The following SOX6 variants were observed in gnomAD, a reference collection of about 807,000 sequenced individuals.
The protein encoded by SOX6 is transcription factor SOX-6.
Under a neutral mutation model 97.8 loss-of-function variants are expected in SOX6, and 11 were observed. That is an observed-to-expected ratio of 0.11 (90% CI 0.07 to 0.19). The LOEUF is 0.19. Among genes scored for constraint, SOX6 ranks in the 10% least tolerant of loss-of-function variants. The probability of loss-of-function intolerance (pLI) is 1.00; values close to 1 mark genes in which losing one functional copy is unlikely to be tolerated. For synonymous variants in SOX6, 360 were observed against 371.4 expected (o/e 0.97, Z 0.35); for missense variants, 810 against 1,039.5 (o/e 0.78, Z 3.04).
chr11:16,636,575 G>A (rs998960178), intron 3 of SOX6, among the ~76,000 whole-genome samples: 2 of 152,166 alleles, frequency 1.3e-5, no homozygotes, highest in Admixed American at 6.5e-5. Flanking sequence ...AGGCATGATT[G>A]TATTTTGAAA....
chr11:16,120,193 C>T (rs1256655635), intron 6 of SOX6, among the ~76,000 whole-genome samples: 2 of 142,062 alleles, frequency 1.4e-5, no homozygotes, highest in East Asian at 2.2e-4. Flanking sequence ...CTCTCTCTCT[C>T]TCACTCCCCC....
chr11:16,404,130 G>A (rs1858628054), intron 1 of SOX6, among the ~76,000 whole-genome samples: 1 of 151,834 alleles, frequency 6.6e-6, no homozygotes, highest in South Asian at 2.1e-4. Flanking sequence ...GTGGGGAAGG[G>A]ACGTACTTTT....
chr11:16,460,881 G>A (rs537511376), intron 1 of SOX6, among the ~76,000 whole-genome samples: 2 of 152,120 alleles, frequency 1.3e-5, no homozygotes, highest in East Asian at 3.9e-4. Context: ...TTTACCTTAT[G>A]TCTCTGAAAT....
intron 4 of SOX6, among the ~76,000 whole-genome samples, chr11:16,552,113 T>C (rs1847695191): frequency 6.6e-6 from 1 of 152,064 alleles, no homozygotes. Context: ...ACAACCACTA[T>C]AGTAATGCCT....
intron 9 of SOX6, among the ~76,000 whole-genome samples, chr11:16,094,171 C>T (rs1230646422): frequency 6.6e-6 from 1 of 151,944 alleles, no homozygotes; most frequent in Non-Finnish European, 1.5e-5. Context: ...AAGTGACAGA[C>T]ACGTGACATA....
At chr11:16,394,017 T>C (rs1171333581) in intron 1 of SOX6, among the ~76,000 whole-genome samples, 3 of 151,942 alleles carry the variant, frequency 2.0e-5, no homozygotes, top group African/African-American at 4.8e-5. Flanking sequence ...CTGATTTCTG[T>C]CCCAGTTTTC....
At chr11:16,728,855 T>G (rs1848327820) in intron 2 of SOX6, among the ~76,000 whole-genome samples, 1 of 152,182 alleles carries the variant, frequency 6.6e-6, no homozygotes, top group South Asian at 2.1e-4. Flanking sequence ...GAGGAATTGC[T>G]AACTAGAATA....
intron 3 of SOX6, among the ~76,000 whole-genome samples, chr11:16,251,168 T>C (rs1259280695): frequency 2.0e-5 from 3 of 152,134 alleles, no homozygotes; most frequent in African/African-American, 7.2e-5. Context: ...TAAATTAGTA[T>C]ATTACAAAAG....
chr11:16,594,595 C>T (rs1377417898), intron 4 of SOX6, among the ~76,000 whole-genome samples: 1 of 150,966 alleles, frequency 6.6e-6, no homozygotes, highest in Non-Finnish European at 1.5e-5. Context: ...GTTCCTGAGA[C>T]TCAATTGATT....
At chr11:16,429,092 C>A (rs558400106) in intron 1 of SOX6, among the ~76,000 whole-genome samples, 1 of 152,306 alleles carries the variant, frequency 6.6e-6, no homozygotes, top group Admixed American at 6.5e-5. Flanking sequence ...CGTCACTGAT[C>A]TTTAGAGAAA....
In SOX6 at chr11:16,204,358, G is replaced by A. The variant is rs189166723; in HGVS notation, c.536-17403C>T. 1.9e-4 allele frequency among the ~76,000 whole-genome samples: 29 copies of A among 152,122 alleles called. No homozygotes were observed. In the East Asian group the frequency reaches 4.6e-3, roughly 24 times the overall value. ...ACAGTGTGCTTATTTTCCCAACCTAGAGTCCCAGATTGATCCTATAAACTG... is the reference window on the plus strand; with the variant it reads ...ACAGTGTGCTTATTTTCCCAACCTAAAGTCCCAGATTGATCCTATAAACTG... On this transcript the variant is annotated intron_variant, in intron 4 of 15. Coordinates refer to ENST00000683767, the MANE Select transcript of SOX6 (RefSeq NM_001367873.1).
intron 2 of SOX6, among the ~76,000 whole-genome samples, chr11:16,319,084 T>A (rs1294180979): frequency 6.6e-6 from 1 of 152,092 alleles, no homozygotes; most frequent in Non-Finnish European, 1.5e-5. Flanking sequence ...TAAAAAGGAG[T>A]ACATCATAAA....
chr11:16,150,112 A>G (rs1181748696), intron 6 of SOX6, among the ~76,000 whole-genome samples: 3 of 152,202 alleles, frequency 2.0e-5, no homozygotes. Flanking sequence ...GGAGACAAAG[A>G]TAACTCAAGT....
chr11:16,647,851 A>C, intron 3 of SOX6, among the ~76,000 whole-genome samples: 1 of 152,174 alleles, frequency 6.6e-6, no homozygotes, highest in Middle Eastern at 3.4e-3. Context: ...CCTTGCATGC[A>C]CTCCCAATCC....
chr11:16,228,903 T>G (rs1590046657), intron 4 of SOX6, among the ~76,000 whole-genome samples: 1 of 152,152 alleles, frequency 6.6e-6, no homozygotes, highest in African/African-American at 2.4e-5. Context: ...TTAGAAACAT[T>G]GCTTTACGTT....
At chr11:16,467,829 G>A (rs1469639673) in intron 1 of SOX6, among the ~76,000 whole-genome samples, 1 of 151,976 alleles carries the variant, frequency 6.6e-6, no homozygotes, top group East Asian at 1.9e-4. Flanking sequence ...ACATGCTAAA[G>A]GTTAAATAAC....
intron 15 of SOX6, among the ~76,000 whole-genome samples, chr11:15,977,712 T>G (rs1379241202): frequency 6.6e-6 from 1 of 152,048 alleles, no homozygotes; most frequent in African/African-American, 2.4e-5. Flanking sequence ...GTCTCTAAAT[T>G]TACAATGCTG....
intron 4 of SOX6, among the ~76,000 whole-genome samples, chr11:16,498,457 A>C (rs1286274838): frequency 6.6e-6 from 1 of 152,066 alleles, no homozygotes; most frequent in Non-Finnish European, 1.5e-5. Flanking sequence ...CACACATAAC[A>C]ATATTAACCT....
chr11:16,092,261 A>G (rs999002313), intron 9 of SOX6, among the ~76,000 whole-genome samples: 1 of 151,698 alleles, frequency 6.6e-6, no homozygotes, highest in African/African-American at 2.4e-5. Flanking sequence ...TTTGGGGGGG[A>G]CAGGTTTGAA....
Sources: allele counts gnomAD v4.1 joint callset (sites outside exome capture counted in the v4.1 genomes callset), GRCh38; gene constraint gnomAD v4.1.1; transcripts MANE v1.5; gene names NCBI Gene and HGNC (gene_info 2026-07-23, HGNC 2026-07-21).